Variants in CHRM3 observed in about 807,000 individuals in gnomAD.
CHRM3 encodes the protein cholinergic receptor muscarinic 3.
In CHRM3, 11 loss-of-function variants were observed where a neutral mutation model predicts 41.8. That is an observed-to-expected ratio of 0.26 (90% CI 0.17 to 0.44). CHRM3 has a LOEUF of 0.44. CHRM3 is among the 20% of genes least tolerant of loss of function. The probability of loss-of-function intolerance (pLI) is 1.00; values close to 1 mark genes in which losing one functional copy is unlikely to be tolerated. For missense variants in CHRM3, 571 were observed against 745.4 expected (o/e 0.77, Z 2.72); for synonymous variants, 297 against 301.4 (o/e 0.99, Z 0.15).
intron 2 of CHRM3, among the ~76,000 whole-genome samples, chr1:239,541,127 A>G (rs2148389528): frequency 6.6e-6 from 1 of 152,094 alleles, no homozygotes; most frequent in Non-Finnish European, 1.5e-5. Flanking sequence ...GTTTGCACAA[A>G]CTCCCCATGT....
chr1:239,511,431 C>G (rs1244190314), intron 2 of CHRM3, among the ~76,000 whole-genome samples: 1 of 152,152 alleles, frequency 6.6e-6, no homozygotes, highest in Non-Finnish European at 1.5e-5. Context: ...GTAAATGTTC[C>G]TTTTCCCTCT....
chr1:239,729,622 A>G (rs1663772580), intron 5 of CHRM3, among the ~76,000 whole-genome samples: 1 of 151,922 alleles, frequency 6.6e-6, no homozygotes, highest in Non-Finnish European at 1.5e-5. Flanking sequence ...ATAGTTACAG[A>G]GTTTTCTGGT....
At chr1:239,669,528 C>T (rs780080386) in intron 4 of CHRM3, among the ~76,000 whole-genome samples, 18 of 152,126 alleles carry the variant, frequency 1.2e-4, no homozygotes, top group Non-Finnish European at 2.6e-4. Context: ...TCAGATTTAA[C>T]TAATTTTCCT....
intron 4 of CHRM3, among the ~76,000 whole-genome samples, chr1:239,653,965 T>A (rs1672472945): frequency 6.6e-6 from 1 of 152,138 alleles, no homozygotes; most frequent in South Asian, 2.1e-4. Context: ...TTTTTTAATT[T>A]TTTAAAATTT....
intron 6 of CHRM3, among the ~76,000 whole-genome samples, chr1:239,872,385 T>C (rs1676664771): frequency 6.6e-6 from 1 of 152,164 alleles, no homozygotes; most frequent in South Asian, 2.1e-4. Flanking sequence ...GCAGCAATTA[T>C]ACCCAACAGA....
At chr1:239,658,870 C>G (rs1264428352) in intron 4 of CHRM3, among the ~76,000 whole-genome samples, 1 of 151,964 alleles carries the variant, frequency 6.6e-6, no homozygotes, top group African/African-American at 2.4e-5. Context: ...TCCTGAGTAG[C>G]TGGAACTACA....
chr1:239,556,260 A>T (rs935668628), intron 3 of CHRM3, among the ~76,000 whole-genome samples: 7 of 152,168 alleles, frequency 4.6e-5, no homozygotes, highest in Admixed American at 3.9e-4. Flanking sequence ...CATTGATGTA[A>T]AAATCAATGC....
intron 5 of CHRM3, among the ~76,000 whole-genome samples, chr1:239,817,189 C>T (rs181822974): frequency 6.4e-4 from 97 of 152,254 alleles, no homozygotes; most frequent in South Asian, 2.5e-3. Context: ...CCTCTTATAC[C>T]ATTGCCCTGT....
intron 5 of CHRM3, among the ~76,000 whole-genome samples, chr1:239,727,300 C>G (rs1663533328): frequency 6.6e-6 from 1 of 151,780 alleles, no homozygotes; most frequent in African/African-American, 2.4e-5. Flanking sequence ...GCACCTGACC[C>G]CAAAAGAATG....
At chr1:239,486,493 A>T (rs1453266497) in intron 1 of CHRM3, among the ~76,000 whole-genome samples, 4 of 152,168 alleles carry the variant, frequency 2.6e-5, no homozygotes, top group African/African-American at 9.7e-5. Context: ...TGGGAACTTG[A>T]TCATGACACA....
intron 1 of CHRM3, among the ~76,000 whole-genome samples, chr1:239,417,895 C>T (rs1423679526): frequency 1.3e-5 from 2 of 151,872 alleles, no homozygotes; most frequent in African/African-American, 4.8e-5. Flanking sequence ...GATTTTTTTC[C>T]TTGTCAATGG....
intron 5 of CHRM3, among the ~76,000 whole-genome samples, chr1:239,809,106 G>A (rs1460470554): frequency 7.0e-6 from 1 of 143,866 alleles, no homozygotes; most frequent in Non-Finnish European, 1.5e-5. Context: ...TGCAAGCTCC[G>A]CCTCCCGGGT....
intron 4 of CHRM3, among the ~76,000 whole-genome samples, chr1:239,639,330 A>G (rs1329537761): frequency 6.6e-6 from 1 of 152,208 alleles, no homozygotes; most frequent in Non-Finnish European, 1.5e-5. Context: ...TAGGGATGGC[A>G]TTGAATCTAT....
intron 2 of CHRM3, among the ~76,000 whole-genome samples, chr1:239,498,352 T>C (rs1668015512): frequency 6.6e-6 from 1 of 152,178 alleles, no homozygotes; most frequent in South Asian, 2.1e-4. Context: ...CTCTTGGGTT[T>C]TATGATCACT....
Position 239,912,236 on chromosome 1 carries a change from T to TGGTTAGGA in CHRM3, c.*3014_*3021dup, listed in dbSNP as rs1680404837. On this transcript the variant is annotated 3_prime_UTR_variant, in exon 7 of 7. Transcript: ENST00000676153. ...TCTCCATTCTCCAGGCATTGCCAGA[T>TGGTTAGGA]GGTTAGGAGAAGTGAGCTCTCTCTG... 6.0e-6 allele frequency: 1 copy of TGGTTAGGA among 166,986 alleles called. No individual in the cohort carries two copies. Among genetic ancestry groups the TGGTTAGGA allele is most frequent in the Admixed American group, 6.6e-5 (1 of 15,250 alleles). The allele number at this position is 166,986 out of a possible 1,614,324, so 10.3% of individuals were successfully genotyped here.
intron 1 of CHRM3, among the ~76,000 whole-genome samples, chr1:239,482,274 T>C (rs547634223): frequency 4.1e-4 from 63 of 152,228 alleles, no homozygotes; most frequent in Non-Finnish European, 2.6e-4. Flanking sequence ...ATATATCATG[T>C]CTCTTTTCTG....
intron 5 of CHRM3, among the ~76,000 whole-genome samples, chr1:239,680,783 C>T (rs1416816994): frequency 6.6e-6 from 1 of 151,876 alleles, no homozygotes; most frequent in Non-Finnish European, 1.5e-5. Flanking sequence ...ATGTAGATGA[C>T]CTTCCTTCCC....
intron 1 of CHRM3, among the ~76,000 whole-genome samples, chr1:239,485,458 A>G (rs1667126372): frequency 6.6e-6 from 1 of 152,022 alleles, no homozygotes; most frequent in Admixed American, 6.6e-5. Context: ...AATTTTTTAA[A>G]TGTTTGTAGA....
chr1:239,888,994 C>T (rs1449761268), intron 6 of CHRM3, among the ~76,000 whole-genome samples: 1 of 152,184 alleles, frequency 6.6e-6, no homozygotes, highest in East Asian at 1.9e-4. Context: ...GAAGCAGCCT[C>T]ATTGTCTGGG....
Sources: allele counts gnomAD v4.1 joint callset (sites outside exome capture counted in the v4.1 genomes callset), GRCh38; gene constraint gnomAD v4.1.1; transcripts MANE v1.5; gene names NCBI Gene and HGNC (gene_info 2026-07-23, HGNC 2026-07-21).